Variants in DAAM1 observed in about 807,000 individuals in gnomAD.
The protein encoded by DAAM1 is disheveled-associated activator of morphogenesis 1.
In DAAM1, 52 loss-of-function variants were observed where a neutral mutation model predicts 130.0. The observed-to-expected ratio is 0.40, with a 90% CI of 0.32 to 0.50. The LOEUF is 0.50. DAAM1 is among the 20% of genes least tolerant of loss of function. The pLI is 0.61. For missense variants in DAAM1, 1,134 were observed against 1,303.8 expected, an observed-to-expected ratio of 0.87 and a Z score of 2.01; for synonymous variants, 452 against 444.5, an observed-to-expected ratio of 1.02 and a Z score of -0.21.
intron 3 of DAAM1, among the ~76,000 whole-genome samples, chr14:59,291,905 T>C (rs1191578685): frequency 6.6e-6 from 1 of 152,148 alleles, no homozygotes; most frequent in Non-Finnish European, 1.5e-5. Context: ...GGCAGTCACT[T>C]CCCATTTAAG....
At chr14:59,213,280 G>C (rs1888482872) in intron 1 of DAAM1, among the ~76,000 whole-genome samples, 1 of 128,234 alleles carries the variant, frequency 7.8e-6, no homozygotes, top group East Asian at 2.4e-4. Context: ...CAGCCTGTCT[G>C]CTTTAAGCTC....
chr14:59,247,685 A>AAAT (rs1307783334), intron 1 of DAAM1, among the ~76,000 whole-genome samples: 3 of 152,160 alleles, frequency 2.0e-5, no homozygotes, highest in Admixed American at 2.0e-4. Flanking sequence ...CAGGTTGATA[A>AAAT]TTAAGGAGAA....
At chr14:59,271,022 T>C (rs1040396860) in intron 2 of DAAM1, among the ~76,000 whole-genome samples, 5 of 152,228 alleles carry the variant, frequency 3.3e-5, no homozygotes, top group Non-Finnish European at 7.3e-5. Context: ...TCTAATACAC[T>C]ACATCACTGA....
intron 16 of DAAM1, among the ~76,000 whole-genome samples, chr14:59,345,034 C>T (rs1350657056): frequency 6.6e-6 from 1 of 151,888 alleles, no homozygotes; most frequent in South Asian, 2.1e-4. Context: ...GTGGCAGTTT[C>T]AGCCCTCCCT....
At chr14:59,327,600 G>A (rs962322413) in intron 12 of DAAM1, among the ~76,000 whole-genome samples, 1 of 151,602 alleles carries the variant, frequency 6.6e-6, no homozygotes, top group Admixed American at 6.6e-5. Flanking sequence ...TTAGAGATGG[G>A]GTTTCACTAT....
At chr14:59,260,778 CT>C (rs1450598359) in intron 1 of DAAM1, among the ~76,000 whole-genome samples, 2 of 152,152 alleles carry the variant, frequency 1.3e-5, no homozygotes, top group Non-Finnish European at 2.9e-5. Context: ...AAATGTAGAA[CT>C]GAATTTCAGC....
intron 1 of DAAM1, among the ~76,000 whole-genome samples, chr14:59,193,054 A>AATC (rs1887779689): frequency 6.6e-6 from 1 of 151,642 alleles, no homozygotes; most frequent in Non-Finnish European, 1.5e-5. Flanking sequence ...CTCCGTCTCA[A>AATC]AACAACAACA....
At chr14:59,329,791 C>T (rs1376729504) in intron 12 of DAAM1, among the ~76,000 whole-genome samples, 1 of 152,192 alleles carries the variant, frequency 6.6e-6, no homozygotes, top group Non-Finnish European at 1.5e-5. Context: ...AAAACTACAG[C>T]TAAGAGTCAA....
intron 1 of DAAM1, among the ~76,000 whole-genome samples, chr14:59,191,276 C>CT (rs879503518): frequency 6.6e-6 from 1 of 152,030 alleles, no homozygotes; most frequent in Non-Finnish European, 1.5e-5. Context: ...GAAGTTGTCA[C>CT]TTTTTTCCTG....
intron 15 of DAAM1, among the ~76,000 whole-genome samples, chr14:59,339,136 C>T (rs1241236849): frequency 6.6e-6 from 1 of 152,124 alleles, no homozygotes; most frequent in East Asian, 1.9e-4. Context: ...TTAATTCAGC[C>T]CCCTCATCAA....
chr14:59,323,209 A>T lies in DAAM1; in HGVS notation c.758A>T (p.Glu253Val). 6.2e-7 allele frequency: 1 copy of T among 1,607,718 alleles called. No individual in the cohort carries two copies. Among genetic ancestry groups the T allele is most frequent in the Non-Finnish European group, 8.5e-7 (1 of 1,175,858 alleles). ...AMLHYQKYASERTRFQTLIND... is the reference protein window; with the variant it reads ...AMLHYQKYASVRTRFQTLIND... ...CTGCACTACCAGAAGTATGCCAGCG[A>T]AAGGACCCGCTTTCAGGTGGGTGTT... is the stretch of plus-strand genomic sequence containing the variant. Residue 253 changes from glutamate (E) to valine (V), a missense_variant, in exon 6 of 25, where the codon GAA becomes GTA. This residue lies in a region of DAAM1 where 391 missense variants were observed against 521.6 expected (regional missense o/e 0.75). Transcript: ENST00000360909.
chr14:59,190,088 T>G (rs140128128), intron 1 of DAAM1, among the ~76,000 whole-genome samples: 92 of 152,274 alleles, frequency 6.0e-4, no homozygotes, highest in African/African-American at 2.2e-3. Flanking sequence ...TTCGATTCGA[T>G]GTGGCTCTGC....
chr14:59,300,117 G>A (rs899598180), intron 3 of DAAM1: 2 of 152,202 alleles, frequency 1.3e-5, no homozygotes, highest in Admixed American at 1.3e-4. Flanking sequence ...TGAAATAAGA[G>A]TATTTTTTGA....
intron 1 of DAAM1, among the ~76,000 whole-genome samples, chr14:59,224,911 C>T (rs975304643): frequency 6.6e-6 from 1 of 151,758 alleles, no homozygotes; most frequent in African/African-American, 2.4e-5. Flanking sequence ...GGCACCATTC[C>T]ATGAACCAGA....
intron 3 of DAAM1, among the ~76,000 whole-genome samples, chr14:59,297,945 T>A (rs1884020145): frequency 6.6e-6 from 1 of 152,118 alleles, no homozygotes; most frequent in Admixed American, 6.5e-5. Context: ...ACTTTGTAAT[T>A]AGTATAATCA....
intron 1 of DAAM1, among the ~76,000 whole-genome samples, chr14:59,221,693 G>C (rs1036224413): frequency 6.6e-6 from 1 of 152,142 alleles, no homozygotes; most frequent in South Asian, 2.1e-4. Flanking sequence ...TTTCTTCTTG[G>C]TAATCTGGAT....
intron 4 of DAAM1, among the ~76,000 whole-genome samples, chr14:59,317,523 GC>G (rs987985100): frequency 3.9e-5 from 6 of 152,130 alleles, no homozygotes; most frequent in African/African-American, 1.4e-4. Context: ...TCCTTTCATG[GC>G]CCAGCAGCTA....
At chr14:59,358,609 G>A (rs927652477) in intron 20 of DAAM1, among the ~76,000 whole-genome samples, 6 of 152,086 alleles carry the variant, frequency 3.9e-5, no homozygotes, top group East Asian at 1.9e-4. Context: ...TTGGGAGGCC[G>A]AGGCGGGTGG....
At chr14:59,250,740 T>C (rs1465631357) in intron 1 of DAAM1, among the ~76,000 whole-genome samples, 2 of 152,266 alleles carry the variant, frequency 1.3e-5, no homozygotes, top group African/African-American at 4.8e-5. Context: ...CTTGGTTAAA[T>C]ACCTCAGCTG....
Sources: allele counts gnomAD v4.1 joint callset (sites outside exome capture counted in the v4.1 genomes callset), GRCh38; gene constraint gnomAD v4.1.1; regional missense constraint gnomAD v4.1.1; transcripts MANE v1.5; gene names NCBI Gene and HGNC (gene_info 2026-07-23, HGNC 2026-07-21).